TYW1B: variants seen among roughly 807,000 people sequenced by gnomAD.
TYW1B encodes the protein tRNA-yW synthesizing protein 1 homolog B.
In TYW1B, 73 loss-of-function variants were observed where a neutral mutation model predicts 86.9. The observed-to-expected ratio is 0.84, with a 90% CI of 0.70 to 1.02. The LOEUF (loss-of-function observed/expected upper bound fraction) is 1.02, where lower values mean the gene tolerates loss of function less well. Ranked by LOEUF, TYW1B falls within the 50% of genes least tolerant of loss-of-function variation. TYW1B has a pLI of 0.00. For missense variants in TYW1B, 637 were observed against 827.4 expected (o/e 0.77, Z 2.82); for synonymous variants, 248 against 292.8 (o/e 0.85, Z 1.56).
chr7:72,628,795 G>C (rs1812414200), intron 12 of TYW1B, 92 bp downstream of exon 12: 5 of 930,014 alleles, frequency 5.4e-6, no homozygotes, highest in Non-Finnish European at 8.1e-6. Context: ...GGGACCTCTA[G>C]AGTTTTACAA....
intron 9 of TYW1B, among the ~76,000 whole-genome samples, chr7:72,726,863 A>C (rs1554458816): frequency 2.6e-5 from 4 of 152,138 alleles, no homozygotes; most frequent in African/African-American, 9.7e-5. Flanking sequence ...AGGCCACAGG[A>C]AATTTACTAT....
chr7:72,800,625 G>T (rs1227642323), intron 6 of TYW1B, among the ~76,000 whole-genome samples: 2 of 150,124 alleles, frequency 1.3e-5, no homozygotes, highest in African/African-American at 4.9e-5. Flanking sequence ...CTCATCATGA[G>T]CCAGTACTAC....
chr7:72,670,145 A>G (rs1648696676), intron 11 of TYW1B, among the ~76,000 whole-genome samples: 1 of 152,072 alleles, frequency 6.6e-6, no homozygotes, highest in Non-Finnish European at 1.5e-5. Context: ...TAGTAATAGC[A>G]CTGACATTAT....
At chr7:72,639,247 T>A (rs1308021164) in intron 11 of TYW1B, among the ~76,000 whole-genome samples, 4 of 148,518 alleles carry the variant, frequency 2.7e-5, no homozygotes, top group Non-Finnish European at 5.9e-5. Flanking sequence ...TTTTTTAAAT[T>A]TTTTTTAAAT....
intron 11 of TYW1B, among the ~76,000 whole-genome samples, chr7:72,690,668 A>G (rs1381674086): frequency 6.6e-6 from 1 of 152,252 alleles, no homozygotes; most frequent in Non-Finnish European, 1.5e-5. Context: ...AGAAGATAAC[A>G]GTATGGATGT....
At chr7:72,698,405 G>A (rs1300373280) in intron 10 of TYW1B, among the ~76,000 whole-genome samples, 1 of 152,166 alleles carries the variant, frequency 6.6e-6, no homozygotes, top group Middle Eastern at 3.2e-3. Context: ...AACACTTTGG[G>A]AGGCTGAGGC....
chr7:72,645,783 C>T (rs1812915469), intron 11 of TYW1B, among the ~76,000 whole-genome samples: 1 of 151,882 alleles, frequency 6.6e-6, no homozygotes, highest in South Asian at 2.1e-4. Flanking sequence ...GGGCTGATGA[C>T]CAGGAAAGAA....
intron 13 of TYW1B, among the ~76,000 whole-genome samples, chr7:72,576,509 CTTT>C (rs11334473): frequency 6.7e-5 from 8 of 120,092 alleles, no homozygotes; most frequent in Admixed American, 1.8e-4. Flanking sequence ...ATGCCACTGT[CTTT>C]TTTTTTTTTT....
chr7:72,667,575 G>A (rs1554445551), intron 11 of TYW1B, among the ~76,000 whole-genome samples: 2 of 152,132 alleles, frequency 1.3e-5, no homozygotes, highest in Non-Finnish European at 2.9e-5. Flanking sequence ...TTAGCCAGGT[G>A]TGGTGACACA....
intron 11 of TYW1B, among the ~76,000 whole-genome samples, chr7:72,637,374 T>C (rs1424086696): frequency 1.3e-5 from 2 of 151,846 alleles, no homozygotes; most frequent in African/African-American, 4.8e-5. Flanking sequence ...TTAAGCTTCA[T>C]TTTCTAGGAA....
At chr7:72,673,753 T>C (rs1813668240) in intron 11 of TYW1B, among the ~76,000 whole-genome samples, 2 of 152,144 alleles carry the variant, frequency 1.3e-5, no homozygotes, top group African/African-American at 4.8e-5. Context: ...TAAAGGAGTA[T>C]AATCGGATTG....
chr7:72,790,561 G>A (rs1471775712), intron 6 of TYW1B, among the ~76,000 whole-genome samples: 10 of 152,208 alleles, frequency 6.6e-5, no homozygotes, highest in African/African-American at 2.4e-4. Flanking sequence ...CCCAGCAGCT[G>A]CACTTGATCC....
chr7:72,781,753 T>C (rs1464325712), intron 6 of TYW1B, among the ~76,000 whole-genome samples: 3 of 152,068 alleles, frequency 2.0e-5, no homozygotes, highest in African/African-American at 7.2e-5. Flanking sequence ...CTTCCACTCC[T>C]CCCATCTCCC....
chr7:72,609,540 C>G (rs1417798275), intron 13 of TYW1B, among the ~76,000 whole-genome samples: 1 of 151,788 alleles, frequency 6.6e-6, no homozygotes, highest in Non-Finnish European at 1.5e-5. Context: ...GCCTGGGTGA[C>G]AGAGTGAGAT....
chr7:72,713,986 T>C (rs561046897), intron 9 of TYW1B, among the ~76,000 whole-genome samples, 188 bp from the exon 10 acceptor site: 11 of 150,944 alleles, frequency 7.3e-5, no homozygotes, highest in African/African-American at 2.7e-4. Context: ...ACCTCATTCT[T>C]AGTTTTGGTA....
At chr7:72,686,769 G>A (rs1554449507) in intron 11 of TYW1B, among the ~76,000 whole-genome samples, 1 of 152,120 alleles carries the variant, frequency 6.6e-6, no homozygotes, top group Non-Finnish European at 1.5e-5. Context: ...TCTTGTGGGT[G>A]ATGTTGATAA....
chr7:72,619,863 T>C (rs1217048697), intron 12 of TYW1B, among the ~76,000 whole-genome samples: 1 of 152,178 alleles, frequency 6.6e-6, no homozygotes, highest in Admixed American at 6.5e-5. Context: ...ATTTAAAAAG[T>C]TAGTTCACTG....
At chr7:72,785,999 C>T (rs1458572047) in intron 6 of TYW1B, among the ~76,000 whole-genome samples, 1 of 152,004 alleles carries the variant, frequency 6.6e-6, no homozygotes, top group Non-Finnish European at 1.5e-5. Flanking sequence ...ATAATCCCAC[C>T]TACTCGGGAG....
chr7:72,655,929 G>A (rs1230284389), intron 11 of TYW1B, among the ~76,000 whole-genome samples: 10 of 152,092 alleles, frequency 6.6e-5, no homozygotes, highest in Admixed American at 1.3e-4. Flanking sequence ...TAGAGCCAGC[G>A]CCATGGCACA....
Sources: gnomAD v4.1 joint callset for allele counts (sites outside exome capture counted in the v4.1 genomes callset) on GRCh38, gnomAD v4.1.1 for gene constraint, MANE v1.5 for transcripts, NCBI Gene and HGNC (gene_info 2026-07-23, HGNC 2026-07-21) for gene names.